PLCXD3: variants seen among roughly 807,000 people sequenced by gnomAD.
PLCXD3 encodes phosphatidylinositol specific phospholipase C X domain containing 3.
PLCXD3 carries 19 observed loss-of-function variants against 25.5 expected under a neutral mutation model. The ratio of observed to expected loss-of-function variants is 0.75; its 90% CI spans 0.52 to 1.09. The LOEUF (loss-of-function observed/expected upper bound fraction) is 1.09, where lower values mean the gene tolerates loss of function less well. Ranked by LOEUF, PLCXD3 falls within the 50% of genes least tolerant of loss-of-function variation. The probability of loss-of-function intolerance (pLI) is 0.00; values close to 1 mark genes in which losing one functional copy is unlikely to be tolerated. For missense variants in PLCXD3, 411 were observed against 388.1 expected, an observed-to-expected ratio of 1.06 and a Z score of -0.50; for synonymous variants, 174 against 137.6, an observed-to-expected ratio of 1.26 and a Z score of -1.85.
Position 41,477,868 on chromosome 5 carries a change from C to A in PLCXD3, c.103+32556G>T, listed in dbSNP as rs577532072. 5.3e-5 allele frequency among the ~76,000 whole-genome samples: 8 copies of A among 152,232 alleles called. No individual in the cohort carries two copies. In the South Asian group the frequency reaches 1.7e-3, roughly 32 times the overall value. ...TTCATCTCTTTTGCAGCCTCTCTTT[C>A]CTCCCTCAAATGATCCAGGTCAGAA... On this transcript the variant is annotated intron_variant, in intron 1 of 2. Transcript: ENST00000377801.
At chr5:41,345,876 C>CTTTTTTTTTTTTT (rs202046569) in intron 2 of PLCXD3, among the ~76,000 whole-genome samples, 1 of 134,838 alleles carries the variant, frequency 7.4e-6, no homozygotes, top group African/African-American at 3.2e-5. Flanking sequence ...TTTTTCTTTT[C>CTTTTTTTTTTTTT]TTTTTTTTAT....
chr5:41,384,775 C>G (rs17205636), intron 1 of PLCXD3, among the ~76,000 whole-genome samples: 16,302 of 152,034 alleles, frequency 0.11, 1,055 homozygotes, highest in Admixed American at 0.17. Flanking sequence ...CACATGATTT[C>G]TTGATCTTCA....
intron 2 of PLCXD3, among the ~76,000 whole-genome samples, chr5:41,359,891 A>T (rs1252807102): frequency 6.6e-6 from 1 of 152,094 alleles, no homozygotes; most frequent in African/African-American, 2.4e-5. Context: ...CTCTAGCAAA[A>T]CTGGGAAAGT....
At chr5:41,416,594 G>T (rs1315139260) in intron 1 of PLCXD3, among the ~76,000 whole-genome samples, 4 of 152,172 alleles carry the variant, frequency 2.6e-5, no homozygotes, top group Non-Finnish European at 4.4e-5. Flanking sequence ...ATCCTCTTTT[G>T]CTAAACAGTG....
chr5:41,439,808 T>G (rs1747338127), intron 1 of PLCXD3, among the ~76,000 whole-genome samples: 1 of 152,232 alleles, frequency 6.6e-6, no homozygotes, highest in Non-Finnish European at 1.5e-5. Flanking sequence ...ATCTCAAGAT[T>G]CTGTTGACTT....
At chr5:41,371,161 G>A (rs116331341) in intron 2 of PLCXD3, among the ~76,000 whole-genome samples, 1 of 152,062 alleles carries the variant, frequency 6.6e-6, no homozygotes, top group Non-Finnish European at 1.5e-5. Flanking sequence ...AAACAGCCTC[G>A]ACTGTTTTAA....
At chr5:41,384,484 A>T (rs776566726) in intron 1 of PLCXD3, among the ~76,000 whole-genome samples, 1 of 152,110 alleles carries the variant, frequency 6.6e-6, no homozygotes, top group South Asian at 2.1e-4. Context: ...AAGAGTTTAA[A>T]AAGTTAGTTT....
Position 41,360,590 on chromosome 5 carries a change from G to T in PLCXD3, c.812+21236C>A, listed in dbSNP as rs115912756. ...TTCTTCCTCTTCCCCTAAGAATGGG[G>T]CTTCCTGAGAGCCAAAATGCAGTGA... On this transcript the variant is annotated intron_variant, in intron 2 of 2. Transcript: ENST00000377801. 4.9e-3 allele frequency among the ~76,000 whole-genome samples: 748 copies of T among 152,260 alleles called. 3 individuals are homozygous for T. The highest frequency in any genetic ancestry group is 0.016 in the African/African-American group (653 of 41,550).
At chr5:41,410,446 G>A (rs1366519580) in intron 1 of PLCXD3, among the ~76,000 whole-genome samples, 3 of 151,516 alleles carry the variant, frequency 2.0e-5, no homozygotes, top group South Asian at 2.1e-4. Context: ...CCCGTCCCCC[G>A]CCCCCCAGCT....
intron 1 of PLCXD3, among the ~76,000 whole-genome samples, chr5:41,398,809 C>T (rs1270381595): frequency 1.3e-5 from 2 of 152,106 alleles, no homozygotes; most frequent in African/African-American, 2.4e-5. Context: ...AACAAGGATG[C>T]CTGCTCTCAC....
intron 2 of PLCXD3, among the ~76,000 whole-genome samples, chr5:41,375,329 G>A (rs895155371): frequency 2.6e-5 from 4 of 152,062 alleles, no homozygotes; most frequent in African/African-American, 9.7e-5. Context: ...GTTAGTATGT[G>A]CAGCCTGGTA....
rs73750167 is a variant in PLCXD3, at chr5:41,414,305, G to A, written c.104-31771C>T. ...GCTGGAGTGCAATGGCGCGATCTCG[G>A]CTCACCGCAACCTCCGCCTCACCAG... On this transcript the variant is annotated intron_variant, in intron 1 of 2. Transcript: ENST00000377801. Among the ~76,000 whole-genome samples the A allele has an allele frequency of 3.9e-3, 600 of 152,054 alleles. 5 individuals are homozygous for A. The highest frequency in any genetic ancestry group is 0.014 in the African/African-American group (571 of 41,444).
chr5:41,379,548 T>A (rs1745393150), intron 2 of PLCXD3, among the ~76,000 whole-genome samples: 1 of 151,690 alleles, frequency 6.6e-6, no homozygotes, highest in South Asian at 2.1e-4. Flanking sequence ...AGAAAAGAAG[T>A]GAAAAATGGT....
intron 1 of PLCXD3, among the ~76,000 whole-genome samples, chr5:41,496,881 A>C (rs1364060623): frequency 1.3e-5 from 2 of 151,832 alleles, no homozygotes; most frequent in African/African-American, 4.8e-5. Flanking sequence ...ACTTATAGCT[A>C]GAAAAATATA....
chr5:41,510,410 C>T lies in PLCXD3; in HGVS notation c.103+14G>A. The T allele has an allele frequency of 6.3e-7, 1 of 1,596,952 alleles. No homozygotes were observed. The highest frequency in any genetic ancestry group is 1.7e-4 in the Middle Eastern group (1 of 6,012). ...GGGCGCCGAGCGCCTAGCCCGCAGC[C>T]CCTGCGCGCCTACCTGGAATGGCTA... On this transcript the variant is annotated intron_variant, in intron 1 of 2. Transcript: ENST00000377801.
chr5:41,311,812 T>G lies in PLCXD3; in HGVS notation c.*1805A>C, dbSNP rs557311960. On this transcript the variant is annotated 3_prime_UTR_variant, in exon 3 of 3. Transcript: ENST00000377801. ...ATCAACTCTTGATTATTTGTGGTCT[T>G]GACATATATGGTTTTGAATTGAACT... The G allele has an allele frequency of 1.0e-4, 16 of 152,626 alleles. No homozygotes were observed. The highest frequency in any genetic ancestry group is 3.8e-4 in the African/African-American group (16 of 41,576). The allele number at this position is 152,626 out of a possible 1,614,324, so 9.5% of individuals were successfully genotyped here.
intron 1 of PLCXD3, among the ~76,000 whole-genome samples, chr5:41,476,196 A>G (rs936355333): frequency 2.6e-5 from 4 of 152,154 alleles, no homozygotes; most frequent in Non-Finnish European, 4.4e-5. Context: ...ACATTATCTC[A>G]TTTGATTCTC....
At chr5:41,366,072 C>T (rs1048994351) in intron 2 of PLCXD3, among the ~76,000 whole-genome samples, 4 of 152,020 alleles carry the variant, frequency 2.6e-5, no homozygotes, top group Non-Finnish European at 4.4e-5. Context: ...AGGCATATCT[C>T]CTAATGCTAT....
chr5:41,472,252 A>G (rs998182634), intron 1 of PLCXD3, among the ~76,000 whole-genome samples: 10 of 152,270 alleles, frequency 6.6e-5, no homozygotes, highest in African/African-American at 2.2e-4. Context: ...TGCTTCTGCC[A>G]TCCCTTAAAT....
Sources: gnomAD v4.1 joint callset for allele counts (sites outside exome capture counted in the v4.1 genomes callset) on GRCh38, gnomAD v4.1.1 for gene constraint, MANE v1.5 for transcripts, NCBI Gene and HGNC (gene_info 2026-07-23, HGNC 2026-07-21) for gene names.